NQO2: variants seen among roughly 807,000 people sequenced by gnomAD.
NQO2 encodes N-ribosyldihydronicotinamide:quinone dehydrogenase 2.
In NQO2, 18 loss-of-function variants were observed where a neutral mutation model predicts 22.0. That is an observed-to-expected ratio of 0.82 (90% CI 0.56 to 1.21). The LOEUF (loss-of-function observed/expected upper bound fraction) is 1.21. Among genes scored for constraint, NQO2 ranks in the 50% most tolerant of loss-of-function variants. The pLI is 0.00. For synonymous variants in NQO2, 106 were observed against 110.8 expected (o/e 0.96, Z 0.28); for missense variants, 267 against 286.9 (o/e 0.93, Z 0.50).
intron 4 of NQO2, among the ~76,000 whole-genome samples, chr6:3,014,889 C>T (rs1057202217): frequency 7.2e-5 from 11 of 152,148 alleles, no homozygotes; most frequent in Non-Finnish European, 1.5e-4. Flanking sequence ...CACACAGCAG[C>T]AGGTCGTGGA....
At chr6:3,016,430 C>CAAAAAAAAAAA (rs36118697) in intron 5 of NQO2, among the ~76,000 whole-genome samples, 30 of 85,690 alleles carry the variant, frequency 3.5e-4, no homozygotes, top group African/African-American at 1.4e-3. Flanking sequence ...GACTCTGTCT[C>CAAAAAAAAAAA]AAAAAAAAAA....
rs186400443 is a variant in NQO2, at chr6:3,008,708, T to C, written c.8-1317T>C. On this transcript the variant is annotated intron_variant, in intron 2 of 6. Transcript: ENST00000380455. ...GGTTCTTTTCTATATTTCCTAAGTG[T>C]CGGCCGGTCTGAGAAATAAACGGAC... 4.2e-3 allele frequency among the ~76,000 whole-genome samples: 637 copies of C among 152,270 alleles called. 6 individuals are homozygous for C. Among genetic ancestry groups the C allele is most frequent in the African/African-American group, 0.014 (592 of 41,534 alleles).
At chr6:3,009,876 G>C (rs955841794) in intron 2 of NQO2, 149 bp from the exon 3 acceptor site, 3 of 1,378,752 alleles carry the variant, frequency 2.2e-6, no homozygotes, top group Non-Finnish European at 9.5e-7. Flanking sequence ...AAAGAAGAGA[G>C]AGAAAGAGAC....
In NQO2 at chr6:3,006,676, A is replaced by G. The variant is rs559539694; in HGVS notation, c.7+117A>G. 506 of 1,058,724 alleles carry G rather than the reference A, an allele frequency of 4.8e-4. No homozygotes were observed. Among genetic ancestry groups the G allele is most frequent in the South Asian group, 7.6e-4 (41 of 54,122 alleles). The allele number at this position is 1,058,724 out of a possible 1,614,324, so 65.6% of individuals were successfully genotyped here. The stretch of plus-strand genomic sequence containing the variant: ...AGTGACCCTCCCACATTGACCTTCC[A>G]GGTGGGAGTTAGACTCTTAATCAGA... On this transcript the variant is annotated intron_variant, in intron 2 of 6. Coordinates refer to ENST00000380455, the MANE Select transcript of NQO2 (RefSeq NM_000904.6). The surrounding 1 kb of genome is among the most constrained non-coding windows in gnomAD (Gnocchi z 4.0).
chr6:3,006,372 C>T lies in NQO2; in HGVS notation c.-85-96C>T, dbSNP rs1055703242. ...GAGAGGTCTTTCTCTGATGTGTTTG[C>T]GTGTCTGTCAGGAAGCAGCAGTGAT... On this transcript the variant is annotated intron_variant, in intron 1 of 6. Transcript: ENST00000380455. This position sits in a 1 kb window ranked among gnomAD's most constrained non-coding sequence, Gnocchi z 4.0. The T allele has an allele frequency of 1.2e-5, 17 of 1,420,682 alleles. No individual in the cohort carries two copies. The highest frequency in any genetic ancestry group is 2.3e-4 in the Middle Eastern group (1 of 4,444). 88.0% of individuals were successfully genotyped at this position (1,420,682 alleles called of 1,614,324 possible).
chr6:3,004,017 C>T (rs193187048), intron 1 of NQO2: 151 of 158,096 alleles, frequency 9.6e-4, no homozygotes, highest in African/African-American at 3.5e-3. Context: ...ATCCCCAGGA[C>T]GACAAGAAGG....
At chr6:3,008,431 AAAG>A (rs139120056) in intron 2 of NQO2, among the ~76,000 whole-genome samples, 8,948 of 150,968 alleles carry the variant, frequency 0.059, 339 homozygotes, top group East Asian at 0.16. Flanking sequence ...AAAAAAAGAA[AAAG>A]AAAAAAGGAA....
At chr6:3,012,995 G>A (rs978261653) in intron 4 of NQO2, among the ~76,000 whole-genome samples, 17 of 106,760 alleles carry the variant, frequency 1.6e-4, no homozygotes, top group African/African-American at 5.4e-4. Context: ...TCGCTCTGTC[G>A]CCCAGGCTGG....
At chr6:3,017,098 G>A (rs757159912) in intron 6 of NQO2, 113 bp downstream of exon 6, 13 of 1,248,146 alleles carry the variant, frequency 1.0e-5, no homozygotes, top group Admixed American at 2.0e-5. Context: ...TCAGCTCCCC[G>A]AGGGGTGAGA....
intron 4 of NQO2, among the ~76,000 whole-genome samples, chr6:3,014,305 A>G (rs964759199): frequency 1.3e-5 from 2 of 152,196 alleles, no homozygotes; most frequent in Admixed American, 1.3e-4. Context: ...ACCAAAGTGC[A>G]GGACGTCCTT....
At chr6:3,008,275 C>T (rs991445501) in intron 2 of NQO2, among the ~76,000 whole-genome samples, 4 of 151,794 alleles carry the variant, frequency 2.6e-5, no homozygotes, top group East Asian at 1.9e-4. Context: ...AAAAATTATC[C>T]GGGCGTGGTG....
chr6:3,008,427 AG>A, intron 2 of NQO2, among the ~76,000 whole-genome samples: 1 of 149,540 alleles, frequency 6.7e-6, no homozygotes, highest in East Asian at 2.0e-4. Flanking sequence ...AAAAAAAAAA[AG>A]AAAAAGAAAA....
At chr6:3,017,075 C>CACAT in intron 6 of NQO2, 90 bp downstream of exon 6, 1 of 1,447,750 alleles carries the variant, frequency 6.9e-7, no homozygotes, top group South Asian at 1.2e-5. Context: ...CACACGCACA[C>CACAT]ACATACATGC....
intron 2 of NQO2, among the ~76,000 whole-genome samples, chr6:3,007,194 A>C (rs4149362): frequency 0.31 from 46,557 of 151,958 alleles, 8,536 homozygotes; most frequent in Non-Finnish European, 0.4. Context: ...AGCACCTAGC[A>C]CCATCCCTGG....
intron 4 of NQO2, among the ~76,000 whole-genome samples, chr6:3,013,838 T>C (rs1428681175): frequency 2.0e-5 from 3 of 152,296 alleles, no homozygotes; most frequent in East Asian, 3.9e-4. Flanking sequence ...GAATCTATTA[T>C]AAGGGCTCTG....
intron 1 of NQO2, among the ~76,000 whole-genome samples, chr6:3,003,154 A>G (rs1257259791): frequency 3.3e-5 from 5 of 152,134 alleles, no homozygotes; most frequent in East Asian, 1.9e-4. Context: ...CTAATGATGA[A>G]GTCACTCACT....
In NQO2 at chr6:3,015,632, G is replaced by C. The variant is rs766428660; in HGVS notation, c.406G>C (p.Gly136Arg). The change falls in exon 5 of 7, where the codon GGT becomes CGT. Residue 136 changes from glycine (G) to arginine (R), a missense_variant. Gly to Arg is a moderately radical substitution (Grantham distance 125). Transcript: ENST00000380455. ...AFDIPGFYDS[G>R]LLQGKLALLS... is the part of the protein sequence containing the mutation. ...TGACATCCCAGGATTCTACGATTCC[G>C]GTTTGCTCCAGGTATGTGCTCTTGG... The C allele has an allele frequency of 3.7e-6, 6 of 1,614,128 alleles. No individual in the cohort carries two copies. Among genetic ancestry groups the C allele is most frequent in the Non-Finnish European group, 5.1e-6 (6 of 1,180,018 alleles).
At chr6:3,004,854 A>T (rs1756886306) in intron 1 of NQO2, among the ~76,000 whole-genome samples, 1 of 152,150 alleles carries the variant, frequency 6.6e-6, no homozygotes, top group South Asian at 2.1e-4. Flanking sequence ...TGACCATTTT[A>T]ACCACTTTTT....
At chr6:3,011,909 AC>A (rs1757148488) in intron 3 of NQO2, among the ~76,000 whole-genome samples, 1 of 152,374 alleles carries the variant, frequency 6.6e-6, no homozygotes, top group African/African-American at 2.4e-5. Context: ...CACCAGACCC[AC>A]CTTACAAGAA....
Sources: allele counts gnomAD v4.1 joint callset (sites outside exome capture counted in the v4.1 genomes callset), GRCh38; gene constraint gnomAD v4.1.1; non-coding constraint Gnocchi (gnomAD v3.1); transcripts MANE v1.5; gene names NCBI Gene and HGNC (gene_info 2026-07-23, HGNC 2026-07-21).